HMCN2: variants seen among roughly 807,000 people sequenced by gnomAD.
The protein encoded by HMCN2 is hemicentin-2.
Under a neutral mutation model 377.5 loss-of-function variants are expected in HMCN2, and 325 were observed. That is an observed-to-expected ratio of 0.86 (90% CI 0.79 to 0.94). The LOEUF is 0.94. HMCN2 is among the 40% of genes least tolerant of loss of function. The pLI is 0.00. For synonymous variants in HMCN2, 2,007 were observed against 2,046.8 expected, an observed-to-expected ratio of 0.98 and a Z score of 0.53; for missense variants, 4,543 against 4,725.3, an observed-to-expected ratio of 0.96 and a Z score of 1.13.
intron 4 of HMCN2, among the ~76,000 whole-genome samples, chr9:130,288,768 T>G (rs782552996): frequency 2.0e-5 from 3 of 152,142 alleles, no homozygotes; most frequent in Non-Finnish European, 4.4e-5. Context: ...AGCATTTCAC[T>G]TTTTTTCAAT....
Position 130,360,711 on chromosome 9 carries a change from C to A in HMCN2, c.5950+107C>A. Reference sequence around the variant, plus strand: ...TGTCCACTCATCCATCCATCTACCACCCCATCCATCCGTTACCCCATCCAT... The same window carrying A: ...TGTCCACTCATCCATCCATCTACCAACCCATCCATCCGTTACCCCATCCAT... On this transcript the variant is annotated intron_variant, in intron 38 of 97. Coordinates refer to ENST00000683500, the MANE Select transcript of HMCN2 (RefSeq NM_001291815.2). This position sits in a 1 kb window ranked among gnomAD's most constrained non-coding sequence, Gnocchi z 4.7. 2 of 522,342 alleles carry A rather than the reference C, an allele frequency of 3.8e-6. No homozygotes were observed. The highest frequency in any genetic ancestry group is 4.1e-5 in the Admixed American group (1 of 24,316). The allele number at this position is 522,342 out of a possible 1,614,324, so 32.4% of individuals were successfully genotyped here.
At chr9:130,343,324 C>T (rs1196945162) in intron 25 of HMCN2, among the ~76,000 whole-genome samples, 2 of 152,182 alleles carry the variant, frequency 1.3e-5, no homozygotes, top group Admixed American at 1.3e-4. Flanking sequence ...GTCACCAAAG[C>T]CTGACAGGAG....
In HMCN2 at chr9:130,416,446, C is replaced by T. The variant is rs746885241; in HGVS notation, c.12962-2326C>T. ...TGGAATCACCCCACACGTGCTCTTG[C>T]GTAGACTCTTCTTTTGCACATCATA... On this transcript the variant is annotated intron_variant, in intron 85 of 97. Transcript: ENST00000683500. 4.0e-5 allele frequency among the ~76,000 whole-genome samples: 6 copies of T among 151,538 alleles called. No individual in the cohort carries two copies. In the East Asian group the frequency reaches 7.7e-4, roughly 19 times the overall value.
At chr9:130,377,355 C>T (rs961915333) in intron 52 of HMCN2, among the ~76,000 whole-genome samples, 1 of 151,886 alleles carries the variant, frequency 6.6e-6, no homozygotes, top group East Asian at 1.9e-4. Flanking sequence ...CCTTGTGATC[C>T]ACCAACCTTG....
intron 85 of HMCN2, among the ~76,000 whole-genome samples, chr9:130,413,543 C>T (rs577859955): frequency 1.4e-3 from 209 of 152,250 alleles, no homozygotes; most frequent in African/African-American, 4.6e-3. Flanking sequence ...ACACCTTGGA[C>T]TTTATATAGA....
intron 62 of HMCN2, among the ~76,000 whole-genome samples, chr9:130,390,668 A>C (rs1045101023): frequency 3.0e-4 from 44 of 148,094 alleles, no homozygotes; most frequent in African/African-American, 1.1e-3. Context: ...AGACAGGGGT[A>C]GAGGGGCAGG....
At chr9:130,273,477 G>A (rs2131223892) in intron 1 of HMCN2, among the ~76,000 whole-genome samples, 1 of 152,082 alleles carries the variant, frequency 6.6e-6, no homozygotes, top group African/African-American at 2.4e-5. Context: ...TAATGGTGAT[G>A]GCTGCAGTTA....
chr9:130,271,336 GGGGAGTATCTATCTACAT>G (rs1834395724), intron 1 of HMCN2, among the ~76,000 whole-genome samples: 1 of 148,934 alleles, frequency 6.7e-6, no homozygotes, highest in South Asian at 2.2e-4. Flanking sequence ...GTCCTTGGTG[GGGGAGTATCTATCTACAT>G]GGATTATTTG....
At chr9:130,314,726 C>T (rs963729053) in intron 15 of HMCN2, among the ~76,000 whole-genome samples, 1 of 152,204 alleles carries the variant, frequency 6.6e-6, no homozygotes, top group African/African-American at 2.4e-5. Flanking sequence ...CCCAGCCCTG[C>T]CCCCGTGCTC....
In HMCN2 at chr9:130,356,564, C is replaced by A. The variant is rs184725973; in HGVS notation, c.5425+307C>A. Among the ~76,000 whole-genome samples the A allele has an allele frequency of 3.6e-3, 546 of 152,354 alleles. 4 individuals are homozygous for A. Among genetic ancestry groups the A allele is most frequent in the African/African-American group, 0.012 (519 of 41,574 alleles). On this transcript the variant is annotated intron_variant, in intron 34 of 97. Coordinates refer to ENST00000683500, the MANE Select transcript of HMCN2 (RefSeq NM_001291815.2). ...ACCCTCTTTCTCTTGTCTTCGTCTA[C>A]GTTTGCTGTTCCTTCTGCCCAGAAC...
rs1844067732 is a variant in HMCN2, at chr9:130,422,362, C to T, written c.13232-215C>T. Among the ~76,000 whole-genome samples the T allele has an allele frequency of 6.6e-6, 1 of 152,200 alleles. No homozygotes were observed. The highest frequency in any genetic ancestry group is 1.5e-5 in the Non-Finnish European group (1 of 68,026). Reference sequence around the variant, plus strand: ...AATTAGAAGCCAGCTCCGCCCTGAGCCCAGGGTTCCTCCTAACAGCCTCCC... The same window carrying T: ...AATTAGAAGCCAGCTCCGCCCTGAGTCCAGGGTTCCTCCTAACAGCCTCCC... On this transcript the variant is annotated intron_variant, in intron 86 of 97. Coordinates refer to ENST00000683500, the MANE Select transcript of HMCN2 (RefSeq NM_001291815.2). The surrounding 1 kb of genome is among the most constrained non-coding windows in gnomAD (Gnocchi z 4.2).
intron 59 of HMCN2, 101 bp downstream of exon 59, chr9:130,384,899 C>A: frequency 1.3e-6 from 1 of 776,218 alleles, no homozygotes; most frequent in Non-Finnish European, 1.9e-6. Context: ...GGCCAGGAGG[C>A]ACAGGGGGAG....
At chr9:130,417,698 T>C (rs1397517763) in intron 85 of HMCN2, among the ~76,000 whole-genome samples, 4 of 151,960 alleles carry the variant, frequency 2.6e-5, no homozygotes, top group African/African-American at 9.7e-5. Context: ...GAATGGGCTC[T>C]CCCCCAGAAC....
intron 90 of HMCN2, among the ~76,000 whole-genome samples, chr9:130,426,622 G>C (rs1198530802): frequency 6.6e-6 from 1 of 152,216 alleles, no homozygotes; most frequent in East Asian, 1.9e-4. Context: ...GCCTCATCAA[G>C]GCTGGCTGTC....
intron 34 of HMCN2, among the ~76,000 whole-genome samples, chr9:130,357,038 A>G (rs1840058560): frequency 6.6e-6 from 1 of 150,510 alleles, no homozygotes; most frequent in African/African-American, 2.5e-5. Flanking sequence ...GGGTGGATGA[A>G]TGGGTGGACA....
rs758700841 is a variant in HMCN2, at chr9:130,410,618, C to T, written c.12927C>T (p.Gly4309=). The change falls in exon 85 of 98, where the codon GGC becomes GGT. Residue 4309 remains glycine, a synonymous_variant. Transcript: ENST00000683500. ...RYQCLAENEM[G]VAKKVVILVL... ...AGTGCCTGGCAGAGAATGAGATGGG[C>T]GTGGCGAAGAAAGTGGTGATCCTCG... The T allele has an allele frequency of 1.2e-5, 19 of 1,550,462 alleles. No homozygotes were observed. The Admixed American group carries it at 1.4e-4, about 11-fold the overall frequency.
intron 83 of HMCN2, 47 bp downstream of exon 83, chr9:130,407,752 A>T: frequency 1.7e-6 from 2 of 1,160,186 alleles, no homozygotes; most frequent in Non-Finnish European, 2.2e-6. Flanking sequence ...CCTCCAGTCT[A>T]TTGGGACCCA....
Position 130,428,386 on chromosome 9 carries a change from C to T in HMCN2, c.14094C>T (p.His4698=). ...TGGACGAGTGTGCGTGGGATGCTCA[C>T]CTCTGCCGAGAGGGACAGCGCTGTG... ...RDVDECAWDA[H]LCREGQRCVN... Residue 4698 remains histidine (H), a synonymous_variant, in exon 93 of 98, where the codon CAC becomes CAT. Coordinates refer to ENST00000683500, the MANE Select transcript of HMCN2 (RefSeq NM_001291815.2). The surrounding 1 kb of genome is among the most constrained non-coding windows in gnomAD (Gnocchi z 5.0). 9 of 1,548,202 alleles carry T rather than the reference C, an allele frequency of 5.8e-6. No individual in the cohort carries two copies. Among genetic ancestry groups the T allele is most frequent in the Non-Finnish European group, 7.8e-6 (9 of 1,146,866 alleles).
chr9:130,308,488 C>T lies in HMCN2; in HGVS notation c.2200+922C>T, dbSNP rs576523794. ...TTTCTGGGAGCAGTACGCTGGGCTC[C>T]CTCTCGAGGGTCAACCGGGGTCAGC... is the stretch of plus-strand genomic sequence containing the variant. On this transcript the variant is annotated intron_variant, in intron 14 of 97. Transcript: ENST00000683500. This position sits in a 1 kb window ranked among gnomAD's most constrained non-coding sequence, Gnocchi z 4.1. 1.1e-4 allele frequency among the ~76,000 whole-genome samples: 16 copies of T among 152,240 alleles called. No individual in the cohort carries two copies. Among genetic ancestry groups the T allele is most frequent in the Non-Finnish European group, 2.2e-4 (15 of 68,020 alleles).
Sources: allele counts gnomAD v4.1 joint callset (sites outside exome capture counted in the v4.1 genomes callset), GRCh38; gene constraint gnomAD v4.1.1; non-coding constraint Gnocchi (gnomAD v3.1); transcripts MANE v1.5; gene names NCBI Gene and HGNC (gene_info 2026-07-23, HGNC 2026-07-21).